Variants in WDR72 observed in about 807,000 individuals in gnomAD.
WDR72 encodes WD repeat domain 72.
WDR72 carries 120 observed loss-of-function variants against 124.2 expected under a neutral mutation model. That is an observed-to-expected ratio of 0.97 (90% confidence interval 0.83 to 1.12). The LOEUF is 1.12. Ranked by LOEUF, WDR72 falls within the 50% of genes most tolerant of loss-of-function variation. The pLI is 0.00. For missense variants in WDR72, 1,387 were observed against 1,278.8 expected (o/e 1.08, Z -1.29); for synonymous variants, 452 against 441.7 (o/e 1.02, Z -0.29).
chr15:53,572,801 T>C (rs1391790690), intron 18 of WDR72, among the ~76,000 whole-genome samples: 2 of 152,208 alleles, frequency 1.3e-5, no homozygotes, highest in Non-Finnish European at 2.9e-5. Context: ...CTCCAGTTAC[T>C]GCCCTCTGGG....
In WDR72 at chr15:53,596,920, C is replaced by G. The variant is rs560719965; in HGVS notation, c.3148+159G>C. 1.8e-4 allele frequency among the ~76,000 whole-genome samples: 27 copies of G among 152,226 alleles called. No homozygotes were observed. The South Asian group carries it at 5.4e-3, about 30-fold the overall frequency. On this transcript the variant is annotated intron_variant, in intron 18 of 19. Transcript: ENST00000360509. ...CTTTTCAACTTACAGTGGGTTTAGCCAGATATAACCCCATCATAAGTCAAG... is the reference window on the plus strand; with the variant it reads ...CTTTTCAACTTACAGTGGGTTTAGCGAGATATAACCCCATCATAAGTCAAG...
At chr15:53,571,016 G>A (rs78296279) in intron 18 of WDR72, among the ~76,000 whole-genome samples, 15,370 of 151,958 alleles carry the variant, frequency 0.1, 1,014 homozygotes, top group African/African-American at 0.18. Flanking sequence ...TATAAATGGA[G>A]CCAAATACTA....
chr15:53,589,252 C>G (rs1230831067), intron 18 of WDR72, among the ~76,000 whole-genome samples: 1 of 151,594 alleles, frequency 6.6e-6, no homozygotes, highest in Non-Finnish European at 1.5e-5. Flanking sequence ...TCTCATGGTC[C>G]TAGGATGGTG....
chr15:53,667,003 TTA>T (rs2015801328), intron 13 of WDR72, among the ~76,000 whole-genome samples: 1 of 152,176 alleles, frequency 6.6e-6, no homozygotes, highest in Non-Finnish European at 1.5e-5. Flanking sequence ...ATAAACATCC[TTA>T]TCATACAAGC....
At chr15:53,597,053 A>C in intron 18 of WDR72, 26 bp downstream of exon 18, 1 of 1,609,352 alleles carries the variant, frequency 6.2e-7, no homozygotes, top group Non-Finnish European at 8.5e-7. Context: ...CTGTTGAAAG[A>C]GTATACCAAT....
intron 18 of WDR72, among the ~76,000 whole-genome samples, chr15:53,539,854 T>A (rs536760412): frequency 1.3e-5 from 2 of 152,262 alleles, no homozygotes; most frequent in South Asian, 2.1e-4. Context: ...GAGATTAAGA[T>A]TGACTAACAA....
At chr15:53,742,362 C>T (rs530059467) in intron 1 of WDR72, among the ~76,000 whole-genome samples, 7 of 152,106 alleles carry the variant, frequency 4.6e-5, no homozygotes, top group South Asian at 2.1e-4. Flanking sequence ...ATGTTCCTGA[C>T]AGAAGTACAC....
At chr15:53,661,110 A>G (rs1312148784) in intron 14 of WDR72, among the ~76,000 whole-genome samples, 1 of 152,198 alleles carries the variant, frequency 6.6e-6, no homozygotes, top group Admixed American at 6.5e-5. Flanking sequence ...GTGCTCCTAA[A>G]GCAGAGTTGA....
intron 13 of WDR72, among the ~76,000 whole-genome samples, chr15:53,697,913 A>C (rs1406930867): frequency 6.6e-6 from 1 of 152,092 alleles, no homozygotes; most frequent in Non-Finnish European, 1.5e-5. Context: ...GGTTCACGCC[A>C]TTCTCCTGCC....
chr15:53,535,949 G>A (rs1232815765), intron 18 of WDR72, among the ~76,000 whole-genome samples: 2 of 152,106 alleles, frequency 1.3e-5, no homozygotes, highest in Non-Finnish European at 2.9e-5. Context: ...AAGATCCCCT[G>A]GCAGCAGCTT....
At chr15:53,720,344 CGT>C (rs1567047802) in intron 3 of WDR72, among the ~76,000 whole-genome samples, 1 of 152,060 alleles carries the variant, frequency 6.6e-6, no homozygotes, top group Non-Finnish European at 1.5e-5. Context: ...ACCAGAATCG[CGT>C]GTGTGTGAAT....
At chr15:53,665,497 T>C (rs2015746118) in intron 14 of WDR72, 75 bp downstream of exon 14, 1 of 1,510,902 alleles carries the variant, frequency 6.6e-7, no homozygotes, top group East Asian at 2.3e-5. Flanking sequence ...TTAAGTGCCA[T>C]GTATTTATGA....
chr15:53,558,549 C>T (rs929730971), intron 18 of WDR72, among the ~76,000 whole-genome samples: 5 of 151,898 alleles, frequency 3.3e-5, no homozygotes, highest in African/African-American at 1.2e-4. Flanking sequence ...GAAGGAGAAG[C>T]AAAGATTATT....
rs1328806988 is a variant in WDR72 at position 53,689,681 on chromosome 15, A to G, written c.1765+10069T>C. Among the ~76,000 whole-genome samples, 4 of 150,906 alleles carry G rather than the reference A, an allele frequency of 2.7e-5. No homozygotes were observed. The East Asian group carries it at 5.9e-4, about 22-fold the overall frequency. ...GGCGATTCCTCAGGGATCTAGAACT[A>G]GAAATACCATTTGACCCAGCCATCC... On this transcript the variant is annotated intron_variant, in intron 13 of 19. Transcript: ENST00000360509.
chr15:53,743,991 AT>A (rs939439392), intron 1 of WDR72, among the ~76,000 whole-genome samples: 23 of 146,648 alleles, frequency 1.6e-4, no homozygotes, highest in Non-Finnish European at 2.4e-4. Flanking sequence ...AAAAAAAAAA[AT>A]TTATCAAATG....
chr15:53,626,403 G>A (rs1327389588), intron 14 of WDR72, among the ~76,000 whole-genome samples: 5 of 152,192 alleles, frequency 3.3e-5, no homozygotes, highest in African/African-American at 1.2e-4. Flanking sequence ...TGCTGGATCA[G>A]GAGCACAGCG....
At chr15:53,723,513 T>A (rs560349351) in intron 2 of WDR72, among the ~76,000 whole-genome samples, 1 of 152,304 alleles carries the variant, frequency 6.6e-6, no homozygotes. Context: ...TGTAGCATTA[T>A]TCACAGCAGC....
At chr15:53,529,162 ATATTT>A (rs967462337) in intron 18 of WDR72, among the ~76,000 whole-genome samples, 8 of 58,782 alleles carry the variant, frequency 1.4e-4, no homozygotes, top group African/African-American at 5.9e-4. Context: ...ATATATATAT[ATATTT>A]TTTTTTTTTT....
chr15:53,555,415 A>T (rs991906017), intron 18 of WDR72, among the ~76,000 whole-genome samples: 3 of 152,006 alleles, frequency 2.0e-5, no homozygotes, highest in Admixed American at 6.6e-5. Flanking sequence ...GGAAACCGGG[A>T]AATGTAGGGG....
Sources: allele counts gnomAD v4.1 joint callset (sites outside exome capture counted in the v4.1 genomes callset), GRCh38; gene constraint gnomAD v4.1.1; transcripts MANE v1.5; gene names NCBI Gene and HGNC (gene_info 2026-07-23, HGNC 2026-07-21).